The following BBS9 variants were observed in gnomAD, a reference collection of about 807,000 sequenced individuals.
BBS9 encodes protein PTHB1.
Under a neutral mutation model 117.7 loss-of-function variants are expected in BBS9, and 89 were observed. The observed-to-expected ratio is 0.76, with a 90% CI of 0.64 to 0.90. The LOEUF (loss-of-function observed/expected upper bound fraction) is 0.90. BBS9 is among the 40% of genes least tolerant of loss of function. The pLI is 0.00. For missense variants in BBS9, 982 were observed against 1,042.2 expected (o/e 0.94, Z 0.80); for synonymous variants, 379 against 370.9 (o/e 1.02, Z -0.25).
chr7:33,327,929 G>A (rs1274950822), intron 9 of BBS9, among the ~76,000 whole-genome samples: 2 of 152,180 alleles, frequency 1.3e-5, no homozygotes, highest in African/African-American at 4.8e-5. Flanking sequence ...GAAAGATGCA[G>A]GAGGGTAGCT....
At chr7:33,383,588 A>G in intron 17 of BBS9, 78 bp from the exon 18 acceptor site, 2 of 1,270,624 alleles carry the variant, frequency 1.6e-6, no homozygotes, top group Non-Finnish European at 2.2e-6. Flanking sequence ...TTTTAAAGTC[A>G]GGATTAGTGA....
chr7:33,279,278 G>A (rs1801369802), intron 9 of BBS9, among the ~76,000 whole-genome samples: 1 of 152,128 alleles, frequency 6.6e-6, no homozygotes, highest in African/African-American at 2.4e-5. Context: ...GACTCACCAT[G>A]TTGCCCAGGC....
At chr7:33,606,664 AT>A (rs1010225830), downstream of BBS9, among the ~76,000 whole-genome samples, 3 of 151,942 alleles carry the variant, frequency 2.0e-5, no homozygotes, top group Non-Finnish European at 4.4e-5. Context: ...TACTTCCCAG[AT>A]TTTTTTGCCA....
rs369146555 is a variant in BBS9, at chr7:33,351,272, A to G, written c.1486A>G (p.Thr496Ala). ...SFSVYLKRSYTPSELEGNAVV... is the reference protein window; with the variant it reads ...SFSVYLKRSYAPSELEGNAVV... ...TTCTGTTTATCTGAAAAGAAGTTAT[A>G]CACCATCAGAATTGGAAGGAAATGC... Residue 496 changes from threonine to alanine, a missense_variant, in exon 14 of 23, where the codon ACA (threonine) becomes GCA (alanine). Physicochemically the swap from Thr to Ala is moderately conservative, Grantham distance 58 (BLOSUM62 0). Coordinates refer to ENST00000242067, the MANE Select transcript of BBS9 (RefSeq NM_198428.3). 33 of 1,613,312 alleles carry G rather than the reference A, an allele frequency of 2.0e-5. No homozygotes were observed. Among genetic ancestry groups the G allele is most frequent in the Non-Finnish European group, 2.7e-5 (32 of 1,179,430 alleles).
intron 21 of BBS9, among the ~76,000 whole-genome samples, chr7:33,534,827 C>T (rs1851125773): frequency 6.6e-6 from 1 of 152,130 alleles, no homozygotes; most frequent in East Asian, 1.9e-4. Flanking sequence ...TTCCCAACTC[C>T]TGTTTCCCTC....
intron 2 of BBS9, among the ~76,000 whole-genome samples, chr7:33,147,265 T>C (rs971665906): frequency 6.9e-6 from 1 of 145,834 alleles, no homozygotes; most frequent in South Asian, 2.3e-4. Flanking sequence ...GGCTTTTTTT[T>C]TGTGATCTAG....
intron 18 of BBS9, among the ~76,000 whole-genome samples, chr7:33,384,650 A>G (rs1046105730): frequency 3.3e-5 from 5 of 151,624 alleles, no homozygotes; most frequent in African/African-American, 1.2e-4. Flanking sequence ...CCAAGTAAGC[A>G]TTGGTTCTTG....
At chr7:33,527,726 G>T (rs1849851198) in intron 20 of BBS9, among the ~76,000 whole-genome samples, 2 of 152,178 alleles carry the variant, frequency 1.3e-5, no homozygotes, top group Non-Finnish European at 1.5e-5. Context: ...CTCACGCTGG[G>T]AGCTGTAGAC....
At chr7:33,133,548 C>A (rs1002323870) in intron 1 of BBS9, among the ~76,000 whole-genome samples, 1 of 152,182 alleles carries the variant, frequency 6.6e-6, no homozygotes, top group African/African-American at 2.4e-5. Flanking sequence ...TTTAACTTAG[C>A]ATGTTTTTAA....
chr7:33,211,106 C>G (rs1343231171), intron 5 of BBS9, among the ~76,000 whole-genome samples: 1 of 152,072 alleles, frequency 6.6e-6, no homozygotes, highest in Admixed American at 6.6e-5. Flanking sequence ...ATCATCGTGT[C>G]TTGTTTTTTC....
chr7:33,230,437 A>C (rs1043110689), intron 5 of BBS9, among the ~76,000 whole-genome samples: 1 of 152,182 alleles, frequency 6.6e-6, no homozygotes, highest in African/African-American at 2.4e-5. Context: ...ATTTTCAATA[A>C]CTTTAGAGGT....
At chr7:33,278,130 C>G (rs763052918) in intron 9 of BBS9, among the ~76,000 whole-genome samples, 1 of 152,188 alleles carries the variant, frequency 6.6e-6, no homozygotes, top group Non-Finnish European at 1.5e-5. Flanking sequence ...ATGTCTCCCC[C>G]ACTGCCATAA....
intron 21 of BBS9, among the ~76,000 whole-genome samples, chr7:33,579,846 T>C (rs563525330): frequency 6.6e-5 from 10 of 152,318 alleles, no homozygotes; most frequent in African/African-American, 1.9e-4. Flanking sequence ...AATTCATTCA[T>C]TTGGGACAGA....
intron 19 of BBS9, among the ~76,000 whole-genome samples, chr7:33,404,858 C>T (rs143339385): frequency 0.15 from 23,460 of 151,942 alleles, 2,264 homozygotes; most frequent in South Asian, 0.21. Flanking sequence ...CCTAATTGCC[C>T]TGGCCAGAAC....
intron 15 of BBS9, among the ~76,000 whole-genome samples, chr7:33,355,294 C>T (rs546873760): frequency 1.3e-5 from 2 of 152,016 alleles, no homozygotes; most frequent in South Asian, 4.2e-4. Context: ...CTTCAGGTTT[C>T]CTAAGAAGGT....
downstream of BBS9, among the ~76,000 whole-genome samples, chr7:33,609,171 C>A (rs1379067356): frequency 1.3e-5 from 2 of 151,986 alleles, no homozygotes; most frequent in African/African-American, 4.8e-5. Flanking sequence ...TGGCTGTAGG[C>A]GTGTGACTTT....
intron 19 of BBS9, among the ~76,000 whole-genome samples, chr7:33,464,009 G>A (rs551477874): frequency 6.6e-6 from 1 of 152,018 alleles, no homozygotes; most frequent in Non-Finnish European, 1.5e-5. Flanking sequence ...TTAAAATACA[G>A]TGTATTTTGT....
chr7:33,525,545 G>A (rs1390090765), intron 20 of BBS9, among the ~76,000 whole-genome samples: 3 of 116,946 alleles, frequency 2.6e-5, no homozygotes, highest in African/African-American at 1.1e-4. Context: ...TTTAAAGTCT[G>A]TTTTATCAGA....
At chr7:33,507,938 T>G (rs1166589602) in intron 20 of BBS9, among the ~76,000 whole-genome samples, 1 of 152,230 alleles carries the variant, frequency 6.6e-6, no homozygotes, top group African/African-American at 2.4e-5. Context: ...TATTTGCTAT[T>G]TTATGTTCTA....
Sources: gnomAD v4.1 joint callset for allele counts (sites outside exome capture counted in the v4.1 genomes callset) on GRCh38, gnomAD v4.1.1 for gene constraint, MANE v1.5 for transcripts, NCBI Gene and HGNC (gene_info 2026-07-23, HGNC 2026-07-21) for gene names.